SLC1A6: variants seen among roughly 807,000 people sequenced by gnomAD.
The protein encoded by SLC1A6 is solute carrier family 1 member 6, also known as excitatory amino acid transporter 4.
SLC1A6 carries 15 observed loss-of-function variants against 42.1 expected under a neutral mutation model. The ratio of observed to expected loss-of-function variants is 0.36; its 90% CI spans 0.24 to 0.55. The LOEUF (loss-of-function observed/expected upper bound fraction) is 0.55. Among genes scored for constraint, SLC1A6 ranks in the 20% least tolerant of loss-of-function variants. The pLI, the probability that SLC1A6 is intolerant of heterozygous loss-of-function variation, is 0.88. For missense variants in SLC1A6, 542 were observed against 772.5 expected, an observed-to-expected ratio of 0.70 and a Z score of 3.54; for synonymous variants, 317 against 319.7, an observed-to-expected ratio of 0.99 and a Z score of 0.09.
At chr19:14,957,016 A>G (rs900044937) in intron 6 of SLC1A6, among the ~76,000 whole-genome samples, 2 of 152,002 alleles carry the variant, frequency 1.3e-5, no homozygotes, top group East Asian at 1.9e-4. Flanking sequence ...AGCTCTCTCA[A>G]TCCTGCCCCA....
At chr19:14,976,273 C>A (rs1379452107) in intron 1 of SLC1A6, among the ~76,000 whole-genome samples, 1 of 152,194 alleles carries the variant, frequency 6.6e-6, no homozygotes, top group Non-Finnish European at 1.5e-5. Context: ...ATGGAATCAA[C>A]CTAAGTGTCC....
At chr19:14,985,142 G>A (rs190809670) in intron 1 of SLC1A6, among the ~76,000 whole-genome samples, 2 of 152,298 alleles carry the variant, frequency 1.3e-5, no homozygotes, top group East Asian at 1.9e-4. Flanking sequence ...TCGGCCTCCC[G>A]AAGTGCTGGG....
intron 7 of SLC1A6, 42 bp from the exon 8 acceptor site, chr19:14,954,371 G>C (rs1430780010): frequency 1.9e-6 from 3 of 1,572,586 alleles, no homozygotes; most frequent in Non-Finnish European, 1.7e-6. Context: ...GCGTGGCCTG[G>C]TGGGGGCGGG....
intron 9 of SLC1A6, 70 bp from the exon 10 acceptor site, chr19:14,950,460 G>C: frequency 8.1e-7 from 1 of 1,235,434 alleles, no homozygotes; most frequent in Non-Finnish European, 1.1e-6. Context: ...GGGTGCAGCA[G>C]AGGGGGGTCC....
At chr19:14,978,722 G>A (rs189979770) in intron 1 of SLC1A6, among the ~76,000 whole-genome samples, 12 of 148,230 alleles carry the variant, frequency 8.1e-5, no homozygotes, top group African/African-American at 2.5e-4. Context: ...CCTCAGGCAC[G>A]CAACCACCCA....
At chr19:14,964,500 C>A in intron 4 of SLC1A6, 139 bp from the exon 5 acceptor site, 1 of 729,494 alleles carries the variant, frequency 1.4e-6, no homozygotes, top group Non-Finnish European at 2.5e-6. Context: ...ACTGAGCAAG[C>A]ATCTTACTAT....
chr19:14,952,954 C>A lies in SLC1A6; in HGVS notation c.1473G>T (p.Thr491=). ...TSVGLPTEDI[T]LIIAVDWFLD... ...GGAACCAGTCCACGGCAATGATGAG[C>A]GTGATGTCTTCCGTGGGCAAGCCGA... The change falls in exon 9 of 10, where the codon ACG becomes ACT. Residue 491 remains threonine, a synonymous_variant. Transcript: ENST00000594383. The A allele has an allele frequency of 3.1e-6, 5 of 1,613,976 alleles. No individual in the cohort carries two copies. The highest frequency in any genetic ancestry group is 4.2e-6 in the Non-Finnish European group (5 of 1,179,932).
At chr19:15,004,519 A>G (rs1186995283) in intron 1 of SLC1A6, among the ~76,000 whole-genome samples, 1 of 147,670 alleles carries the variant, frequency 6.8e-6, no homozygotes, top group Admixed American at 6.8e-5. Flanking sequence ...ACTGGGCAAC[A>G]TAGCAAGACC....
In SLC1A6 at chr19:14,964,381, G is replaced by A. The variant is rs2045550329; in HGVS notation, c.549-20C>T. On this transcript the variant is annotated intron_variant, in intron 4 of 9. Coordinates refer to ENST00000594383, the MANE Select transcript of SLC1A6 (RefSeq NM_005071.3). The stretch of plus-strand genomic sequence containing the variant: ...ATATTTCTGCAGAAAAACATGAGAA[G>A]AAGGAAAGTGGTTAGACCATGGAAG... 6.2e-7 allele frequency: 1 copy of A among 1,611,958 alleles called. No individual in the cohort carries two copies. Among genetic ancestry groups the A allele is most frequent in the East Asian group, 2.2e-5 (1 of 44,856 alleles).
chr19:14,994,307 C>G (rs1568300367), intron 1 of SLC1A6, among the ~76,000 whole-genome samples: 3 of 152,040 alleles, frequency 2.0e-5, no homozygotes, highest in Admixed American at 2.0e-4. Context: ...CTGCATCCCC[C>G]CTGCAGATTG....
At chr19:14,950,900 A>G (rs992776104) in intron 9 of SLC1A6, among the ~76,000 whole-genome samples, 5 of 151,420 alleles carry the variant, frequency 3.3e-5, no homozygotes, top group African/African-American at 1.2e-4. Flanking sequence ...AGCTATGATC[A>G]TGCCACTCCA....
At chr19:14,967,508 G>C (rs2045587697) in intron 4 of SLC1A6, among the ~76,000 whole-genome samples, 2 of 152,062 alleles carry the variant, frequency 1.3e-5, no homozygotes. Context: ...TTATAATCTA[G>C]ACACAACAAC....
chr19:15,007,882 G>A (rs137881071), intron 1 of SLC1A6, among the ~76,000 whole-genome samples: 7,093 of 151,924 alleles, frequency 0.047, 256 homozygotes, highest in African/African-American at 0.095. Flanking sequence ...AAAATTAGCC[G>A]GGTGTGGTGA....
At chr19:15,008,150 C>T (rs955678217) in intron 1 of SLC1A6, among the ~76,000 whole-genome samples, 1 of 151,976 alleles carries the variant, frequency 6.6e-6, no homozygotes, top group Non-Finnish European at 1.5e-5. Flanking sequence ...CTGAGACCAG[C>T]CTGGGCAATG....
intron 1 of SLC1A6, chr19:14,973,944 G>A (rs575399749): frequency 2.0e-5 from 3 of 152,454 alleles, no homozygotes; most frequent in East Asian, 1.9e-4. Flanking sequence ...TGGCCACAGT[G>A]TGATGTTCAT....
chr19:14,988,853 A>G (rs2045805151), intron 1 of SLC1A6, among the ~76,000 whole-genome samples: 1 of 151,980 alleles, frequency 6.6e-6, no homozygotes, highest in Admixed American at 6.6e-5. Flanking sequence ...TCCCATCTCT[A>G]CAAAAAATAA....
At chr19:14,980,557 C>T (rs1339434460), upstream of SLC1A6, among the ~76,000 whole-genome samples, 1 of 150,348 alleles carries the variant, frequency 6.7e-6, no homozygotes, top group Non-Finnish European at 1.5e-5. Flanking sequence ...TTTGGGAGGC[C>T]GAGGCGGGAG....
chr19:14,995,375 G>A (rs1176798831), intron 1 of SLC1A6, among the ~76,000 whole-genome samples: 3 of 148,300 alleles, frequency 2.0e-5, no homozygotes, highest in Non-Finnish European at 1.5e-5. Context: ...GAAAAGGGAA[G>A]GGAAGGGAAG....
At chr19:14,958,069 C>T (rs2045478061) in intron 6 of SLC1A6, among the ~76,000 whole-genome samples, 1 of 152,140 alleles carries the variant, frequency 6.6e-6, no homozygotes, top group South Asian at 2.1e-4. Context: ...GCCATTGGCA[C>T]CATCATCTCA....
Sources: gnomAD v4.1 joint callset for allele counts (sites outside exome capture counted in the v4.1 genomes callset) on GRCh38, gnomAD v4.1.1 for gene constraint, MANE v1.5 for transcripts, NCBI Gene and HGNC (gene_info 2026-07-23, HGNC 2026-07-21) for gene names.